Variants in SHISA9 observed in about 807,000 individuals in gnomAD.
The protein encoded by SHISA9 is protein shisa-9.
In SHISA9, 13 loss-of-function variants were observed where a neutral mutation model predicts 38.0. The observed-to-expected ratio is 0.34, with a 90% CI of 0.22 to 0.54. The LOEUF is 0.54. Ranked by LOEUF, SHISA9 falls within the 20% of genes least tolerant of loss-of-function variation. SHISA9 has a pLI of 0.91. For missense variants in SHISA9, 538 were observed against 575.8 expected (o/e 0.93, Z 0.67); for synonymous variants, 275 against 242.0 (o/e 1.14, Z -1.27).
chr16:13,538,502 G>A, the SHISA9 span, among the ~76,000 whole-genome samples: 3 of 152,094 alleles, frequency 2.0e-5, no homozygotes, highest in Non-Finnish European at 4.4e-5. Flanking sequence ...TGTGTCCTTT[G>A]GAAAATGGAT....
chr16:12,962,422 C>T (rs549157014), intron 2 of SHISA9, among the ~76,000 whole-genome samples: 56 of 152,152 alleles, frequency 3.7e-4, no homozygotes, highest in Non-Finnish European at 2.5e-4. Context: ...TTTGGGTCTT[C>T]CTGCAAATTC....
rs1296420916 is a variant in SHISA9, at chr16:13,045,516, C to G, written c.691+128701C>G. Among the ~76,000 whole-genome samples, 6 of 151,744 alleles carry G rather than the reference C, an allele frequency of 4.0e-5. No individual in the cohort carries two copies. The South Asian group carries it at 1.3e-3, about 32-fold the overall frequency. ...TCAAGAAATATTTATTGAGCATCTA[C>G]TACATGCTTGGCTCTGTTGAAAACT... On this transcript the variant is annotated intron_variant, in intron 2 of 4. Transcript: ENST00000558583.
chr16:13,541,893 G>T, the SHISA9 span, among the ~76,000 whole-genome samples: 9 of 152,210 alleles, frequency 5.9e-5, no homozygotes, highest in African/African-American at 1.9e-4. Context: ...GGGGTATACT[G>T]GGTCGAATGC....
chr16:13,482,288 C>A, the SHISA9 span, among the ~76,000 whole-genome samples: 1 of 152,240 alleles, frequency 6.6e-6, no homozygotes, highest in Non-Finnish European at 1.5e-5. Flanking sequence ...TGTCTTGCAG[C>A]CTTCTCCATA....
At chr16:13,152,815 G>C (rs756850208) in intron 2 of SHISA9, among the ~76,000 whole-genome samples, 5 of 152,072 alleles carry the variant, frequency 3.3e-5, no homozygotes, top group African/African-American at 1.2e-4. Flanking sequence ...CCTAATAATT[G>C]GAAACTACAT....
At chr16:13,329,845 C>T in the SHISA9 span, among the ~76,000 whole-genome samples, 1 of 152,324 alleles carries the variant, frequency 6.6e-6, no homozygotes, top group Middle Eastern at 3.4e-3. Context: ...AATTTCTTGA[C>T]TTTTCATGAA....
chr16:13,545,621 C>G, the SHISA9 span, among the ~76,000 whole-genome samples: 4 of 152,180 alleles, frequency 2.6e-5, no homozygotes, highest in African/African-American at 9.7e-5. Context: ...ATAGTTCCCT[C>G]TCTCTTCCTG....
the SHISA9 span, among the ~76,000 whole-genome samples, chr16:13,545,951 G>T: frequency 1.3e-5 from 2 of 152,054 alleles, no homozygotes; most frequent in Admixed American, 1.3e-4. Context: ...AGAGAGGGAT[G>T]ATTTCTTGCC....
intron 2 of SHISA9, among the ~76,000 whole-genome samples, chr16:13,074,531 T>A (rs530630686): frequency 4.6e-5 from 7 of 152,276 alleles, no homozygotes; most frequent in Admixed American, 2.0e-4. Flanking sequence ...ATACCTTTTG[T>A]CTCTCTGCAG....
rs115056771 is a variant in SHISA9, at chr16:13,186,731, C to T, written c.692-16663C>T. 7.5e-3 allele frequency among the ~76,000 whole-genome samples: 1,135 copies of T among 152,298 alleles called. 9 individuals carry two copies. Among genetic ancestry groups the T allele is most frequent in the African/African-American group, 0.024 (998 of 41,566 alleles). On this transcript the variant is annotated intron_variant, in intron 2 of 4. Coordinates refer to ENST00000558583, the MANE Select transcript of SHISA9 (RefSeq NM_001145204.3). The stretch of plus-strand genomic sequence containing the variant: ...TTGCTGAATAATAAATCCCAATCCC[C>T]GCTTCTCCAGCCCCTGGTAACCATT...
chr16:13,058,693 G>A (rs1293976402), intron 2 of SHISA9, among the ~76,000 whole-genome samples: 3 of 152,046 alleles, frequency 2.0e-5, no homozygotes, highest in Admixed American at 6.6e-5. Context: ...TTTTGTACAG[G>A]TTCAGGGCTG....
the SHISA9 span, among the ~76,000 whole-genome samples, chr16:13,275,852 C>CT: frequency 6.6e-6 from 1 of 151,860 alleles, no homozygotes; most frequent in Non-Finnish European, 1.5e-5. Context: ...TATTCTCCCT[C>CT]TTTTTTCTTG....
the SHISA9 span, among the ~76,000 whole-genome samples, chr16:13,394,464 C>T: frequency 6.6e-6 from 1 of 152,198 alleles, no homozygotes; most frequent in African/African-American, 2.4e-5. Flanking sequence ...ACCCCCCACC[C>T]TCTTCTTTGT....
chr16:13,206,634 A>G (rs2051067528), intron 3 of SHISA9, among the ~76,000 whole-genome samples: 1 of 152,242 alleles, frequency 6.6e-6, no homozygotes, highest in South Asian at 2.1e-4. Flanking sequence ...GAATCATTCA[A>G]ATAGTGACTG....
At chr16:13,227,414 A>T (rs1168134009) in intron 4 of SHISA9, among the ~76,000 whole-genome samples, 1 of 152,222 alleles carries the variant, frequency 6.6e-6, no homozygotes, top group Non-Finnish European at 1.5e-5. Context: ...GCAAGAGAAG[A>T]GGAGAATGAA....
At chr16:13,542,582 G>T in the SHISA9 span, among the ~76,000 whole-genome samples, 6 of 58,768 alleles carry the variant, frequency 1.0e-4, no homozygotes, top group African/African-American at 3.2e-4. Context: ...GACTCACAAA[G>T]AATAAGTATG....
intron 2 of SHISA9, among the ~76,000 whole-genome samples, chr16:12,995,279 A>G (rs2072444231): frequency 6.6e-6 from 1 of 152,162 alleles, no homozygotes; most frequent in Non-Finnish European, 1.5e-5. Context: ...TTAAGTTATT[A>G]TTGACTACAG....
chr16:13,118,846 C>A (rs1342572928), intron 2 of SHISA9, among the ~76,000 whole-genome samples: 1 of 151,634 alleles, frequency 6.6e-6, no homozygotes, highest in Non-Finnish European at 1.5e-5. Flanking sequence ...TTTCCTTCCT[C>A]AGCCTCCAGA....
the SHISA9 span, among the ~76,000 whole-genome samples, chr16:13,505,468 TG>T: frequency 2.0e-5 from 3 of 152,192 alleles, no homozygotes; most frequent in Non-Finnish European, 4.4e-5. Flanking sequence ...TGGAGCAAAT[TG>T]GAAGGTCTTC....
Sources: gnomAD v4.1 joint callset for allele counts (sites outside exome capture counted in the v4.1 genomes callset) on GRCh38, gnomAD v4.1.1 for gene constraint, MANE v1.5 for transcripts, NCBI Gene and HGNC (gene_info 2026-07-23, HGNC 2026-07-21) for gene names.